TPPP: variants seen among roughly 807,000 people sequenced by gnomAD.
TPPP encodes tubulin polymerization promoting protein.
Under a neutral mutation model 15.5 loss-of-function variants are expected in TPPP, and 6 were observed. The observed-to-expected ratio is 0.39, with a 90% CI of 0.21 to 0.77. The LOEUF is 0.77. Among genes scored for constraint, TPPP ranks in the 30% least tolerant of loss-of-function variants. The pLI is 0.42. For synonymous variants in TPPP, 146 were observed against 133.9 expected, an observed-to-expected ratio of 1.09 and a Z score of -0.63; for missense variants, 269 against 307.2, an observed-to-expected ratio of 0.88 and a Z score of 0.93.
chr5:680,501 C>A, intron 1 of TPPP, among the ~76,000 whole-genome samples: 2 of 140,044 alleles, frequency 1.4e-5, no homozygotes, highest in South Asian at 2.7e-4. Flanking sequence ...CCGTCAACAG[C>A]CGAGAAGAAG....
At chr5:682,764 G>T (rs1740663159) in intron 1 of TPPP, among the ~76,000 whole-genome samples, 1 of 152,166 alleles carries the variant, frequency 6.6e-6, no homozygotes, top group Non-Finnish European at 1.5e-5. Flanking sequence ...CGGGGGTGGC[G>T]CCGACAGAGC....
chr5:681,591 C>T (rs1440470445), intron 1 of TPPP, among the ~76,000 whole-genome samples: 1 of 152,194 alleles, frequency 6.6e-6, no homozygotes, highest in African/African-American at 2.4e-5. Context: ...GCTCACAGCA[C>T]ATGCCCCTTC....
At chr5:672,580 C>T (rs1293080678) in intron 2 of TPPP, among the ~76,000 whole-genome samples, 1 of 152,234 alleles carries the variant, frequency 6.6e-6, no homozygotes, top group Non-Finnish European at 1.5e-5. Context: ...GACCCTCGCC[C>T]AGAGGCTGGT....
In TPPP at chr5:677,802, C is replaced by T. The variant is rs1467375576; in HGVS notation, c.259G>A (p.Asp87Asn). 6 of 1,601,778 alleles carry T rather than the reference C, an allele frequency of 3.7e-6. No individual in the cohort carries two copies. The highest frequency in any genetic ancestry group is 1.1e-5 in the South Asian group (1 of 90,422). The part of the protein sequence containing the change: ...SKLCKDCQVI[D>N]GRNVTVTDVD... The stretch of plus-strand genomic sequence containing the variant: ...TCAGTGACGGTCACGTTCCTGCCGT[C>T]GATCACCTGGCAGTCCTTGCACAGC... Residue 87 changes from aspartate (D) to asparagine (N), a missense_variant, in exon 2 of 4, where the codon GAC becomes AAC. Asp to Asn is a conservative substitution (Grantham distance 23). Transcript: ENST00000360578.
At chr5:668,584 C>A (rs115312788) in intron 2 of TPPP, among the ~76,000 whole-genome samples, 1 of 152,216 alleles carries the variant, frequency 6.6e-6, no homozygotes, top group African/African-American at 2.4e-5. Flanking sequence ...GAGCAGGCCG[C>A]GGGGTGGGGG....
chr5:666,268 A>T, intron 2 of TPPP, 145 bp from the exon 3 acceptor site: 5 of 871,810 alleles, frequency 5.7e-6, no homozygotes, highest in Non-Finnish European at 6.9e-6. Flanking sequence ...AGCACTGCAA[A>T]TCCAAACTGT....
intron 2 of TPPP, among the ~76,000 whole-genome samples, chr5:667,703 GA>G (rs950555528): frequency 6.6e-6 from 1 of 151,264 alleles, no homozygotes; most frequent in Non-Finnish European, 1.5e-5. Context: ...TCAGCAGTAA[GA>G]AAAAAAATCC....
chr5:697,044 G>A (rs1186569494), upstream of TPPP, among the ~76,000 whole-genome samples: 1 of 142,362 alleles, frequency 7.0e-6, no homozygotes, highest in Admixed American at 7.3e-5. Context: ...GTCTTTGTGT[G>A]CATGTGTGTG....
chr5:668,079 A>G (rs1257951005), intron 2 of TPPP, among the ~76,000 whole-genome samples: 1 of 63,512 alleles, frequency 1.6e-5, no homozygotes. Context: ...CACACTGGAG[A>G]GGGGTCCGCG....
intron 2 of TPPP, among the ~76,000 whole-genome samples, chr5:672,012 G>C (rs769860020): frequency 2.6e-5 from 4 of 152,220 alleles, no homozygotes; most frequent in Non-Finnish European, 4.4e-5. Flanking sequence ...GTCACACACA[G>C]TGCTCTGAGG....
intron 1 of TPPP, 149 bp from the exon 2 acceptor site, chr5:678,213 CT>C (rs1318555445): frequency 1.4e-6 from 1 of 734,938 alleles, no homozygotes; most frequent in African/African-American, 1.8e-5. Context: ...CGTGAGGCCC[CT>C]CAGACCCTTG....
intron 2 of TPPP, among the ~76,000 whole-genome samples, chr5:674,079 C>T (rs1370007829): frequency 6.6e-6 from 1 of 152,254 alleles, no homozygotes; most frequent in Non-Finnish European, 1.5e-5. Context: ...GGGGCCGGCC[C>T]TGCAGGGCTG....
intron 2 of TPPP, among the ~76,000 whole-genome samples, chr5:676,981 G>GCAGAAACGCGCACACGTGCAC (rs142787404): frequency 1.8e-5 from 2 of 111,410 alleles, no homozygotes; most frequent in African/African-American, 5.9e-5. Flanking sequence ...ACGCACACAC[G>GCAGAAACGCGCACACGTGCAC]ACGCAGAAAC....
chr5:692,590 C>A (rs1452727799), intron 1 of TPPP: 11 of 983,052 alleles, frequency 1.1e-5, no homozygotes, highest in Non-Finnish European at 1.3e-5. Flanking sequence ...GTAACCGAAA[C>A]CGCAGAATAA....
At position 662,836 on chromosome 5, in the gene TPPP, C is replaced by T. The variant is rs901974187; in HGVS notation, c.*2266G>A. On this transcript the variant is annotated 3_prime_UTR_variant, in exon 4 of 4. Coordinates refer to ENST00000360578, the MANE Select transcript of TPPP (RefSeq NM_007030.3). Reference sequence around the variant, plus strand: ...ACAAGGGCTTTGGAGTTGTGATGGGCTGTTATCGGGTGATTCCGGTGGCCA... The same window carrying T: ...ACAAGGGCTTTGGAGTTGTGATGGGTTGTTATCGGGTGATTCCGGTGGCCA... 6.6e-6 allele frequency: 1 copy of T among 152,466 alleles called. No homozygotes were observed. The highest frequency in any genetic ancestry group is 1.5e-5 in the Non-Finnish European group (1 of 68,090). 9.4% of individuals were successfully genotyped at this position (152,466 alleles called of 1,614,324 possible). A position where few individuals can be genotyped will look rare whatever the true frequency, so the allele number is the denominator to read the frequency against.
At chr5:667,505 G>A (rs72707023) in intron 2 of TPPP, among the ~76,000 whole-genome samples, 18,518 of 152,216 alleles carry the variant, frequency 0.12, 1,468 homozygotes, top group Non-Finnish European at 0.18. Flanking sequence ...GGGGTTAGGC[G>A]AAGATTTCTT....
chr5:674,635 C>T (rs1003936158), intron 2 of TPPP, among the ~76,000 whole-genome samples: 5 of 152,194 alleles, frequency 3.3e-5, no homozygotes, highest in East Asian at 1.9e-4. Context: ...CCCACCAGAG[C>T]GGCCCTGGTC....
At chr5:671,719 C>T (rs964940946) in intron 2 of TPPP, among the ~76,000 whole-genome samples, 3 of 152,264 alleles carry the variant, frequency 2.0e-5, no homozygotes, top group African/African-American at 7.2e-5. Flanking sequence ...GCAGGGGCTC[C>T]ACTCTGCGGA....
intron 2 of TPPP, among the ~76,000 whole-genome samples, chr5:666,556 G>A (rs1739923683): frequency 6.6e-6 from 1 of 152,218 alleles, no homozygotes; most frequent in East Asian, 1.9e-4. Context: ...ACATGGTTAG[G>A]AGGGGCTGCC....
Sources: gnomAD v4.1 joint callset for allele counts (sites outside exome capture counted in the v4.1 genomes callset) on GRCh38, gnomAD v4.1.1 for gene constraint, MANE v1.5 for transcripts, NCBI Gene and HGNC (gene_info 2026-07-23, HGNC 2026-07-21) for gene names.